The following ARHGAP20 variants were observed in gnomAD, a reference collection of about 807,000 sequenced individuals.
ARHGAP20 encodes rho GTPase-activating protein 20.
A neutral mutation model predicts 73.7 loss-of-function variants in ARHGAP20; 34 were observed. The ratio of observed to expected loss-of-function variants is 0.46; its 90% confidence interval spans 0.35 to 0.61. The LOEUF is 0.61. Among genes scored for constraint, ARHGAP20 ranks in the 20% least tolerant of loss-of-function variants. ARHGAP20 has a pLI of 0.00. For missense variants in ARHGAP20, 1,314 were observed against 1,420.9 expected (o/e 0.92, Z 1.21); for synonymous variants, 523 against 518.2 (o/e 1.01, Z -0.13).
intron 11 of ARHGAP20, chr11:110,589,381 C>G (rs1335557311): frequency 5.1e-6 from 5 of 983,574 alleles, no homozygotes; most frequent in Non-Finnish European, 1.2e-6. Context: ...CCAGAAACAT[C>G]TGATTGTATA....
At chr11:110,652,425 T>G (rs577684984) in intron 2 of ARHGAP20, among the ~76,000 whole-genome samples, 1 of 152,220 alleles carries the variant, frequency 6.6e-6, no homozygotes, top group Admixed American at 6.6e-5. Flanking sequence ...GGTATTCAGA[T>G]AGGAAGAAAG....
intron 1 of ARHGAP20, chr11:110,711,825 TGAGGGAG>T (rs988786961): frequency 7.6e-7 from 1 of 1,312,668 alleles, no homozygotes; most frequent in African/African-American, 1.5e-5. Flanking sequence ...GCGCCTAGAC[TGAGGGAG>T]GAGCCGGGCT....
chr11:110,589,657 G>C (rs1240236988), intron 11 of ARHGAP20: 1 of 985,300 alleles, frequency 1.0e-6, no homozygotes, highest in Non-Finnish European at 1.2e-6. Context: ...AAAATGTAGA[G>C]CATTTCCAAG....
chr11:110,694,448 A>G (rs1950299507), intron 1 of ARHGAP20, among the ~76,000 whole-genome samples: 1 of 146,914 alleles, frequency 6.8e-6, no homozygotes. Context: ...AAACCTATTA[A>G]GCCTAACCAT....
chr11:110,633,787 G>A (rs1274774457), intron 2 of ARHGAP20, among the ~76,000 whole-genome samples: 1 of 152,118 alleles, frequency 6.6e-6, no homozygotes, highest in Non-Finnish European at 1.5e-5. Context: ...AAGAAGAGAT[G>A]ACCTCAGTTT....
At chr11:110,679,272 A>T (rs1949991781) in intron 2 of ARHGAP20, among the ~76,000 whole-genome samples, 1 of 152,186 alleles carries the variant, frequency 6.6e-6, no homozygotes, top group Non-Finnish European at 1.5e-5. Flanking sequence ...TTTGTAACCT[A>T]ATCTCGGAAG....
At chr11:110,622,388 T>C (rs1461537848) in intron 4 of ARHGAP20, among the ~76,000 whole-genome samples, 5 of 152,202 alleles carry the variant, frequency 3.3e-5, no homozygotes, top group Non-Finnish European at 5.9e-5. Flanking sequence ...GTTACAAAGA[T>C]AATATAGAGA....
intron 2 of ARHGAP20, among the ~76,000 whole-genome samples, chr11:110,677,210 A>G (rs1298284014): frequency 1.3e-5 from 2 of 152,224 alleles, no homozygotes; most frequent in African/African-American, 2.4e-5. Context: ...ACAGAATTTG[A>G]CAATAAAGAA....
chr11:110,648,401 G>A (rs1949273757), intron 2 of ARHGAP20, among the ~76,000 whole-genome samples: 1 of 150,390 alleles, frequency 6.6e-6, no homozygotes, highest in Non-Finnish European at 1.5e-5. Context: ...CTTGATAACT[G>A]AGGATTAAAC....
At chr11:110,642,424 T>C (rs1054690328) in intron 2 of ARHGAP20, among the ~76,000 whole-genome samples, 4 of 152,136 alleles carry the variant, frequency 2.6e-5, no homozygotes, top group African/African-American at 7.2e-5. Flanking sequence ...GGCTGTGGGT[T>C]TGTCATAGAC....
chr11:110,605,585 A>G (rs916852689), intron 9 of ARHGAP20, among the ~76,000 whole-genome samples: 1 of 152,240 alleles, frequency 6.6e-6, no homozygotes, highest in African/African-American at 2.4e-5. Context: ...CTACATACAA[A>G]TGTTTCTTAA....
rs755127759 is a variant in ARHGAP20 at position 110,581,002 on chromosome 11, A to G, written c.1944T>C (p.Asp648=). 1.1e-5 allele frequency: 18 copies of G among 1,614,048 alleles called. No individual in the cohort carries two copies. Among genetic ancestry groups the G allele is most frequent in the Middle Eastern group, 1.6e-4 (1 of 6,082 alleles). Residue 648 remains aspartate, a synonymous_variant, in exon 15 of 15, where the codon GAT becomes GAC. Transcript: ENST00000683387. ...DFDLAHSKDE[D]VQMKRPLESK... is the part of the protein sequence containing the mutation. ...ATTCAAGAGGCCGTTTCATTTGAACATCTTCATCTTTAGAATGGGCCAAGT... is the reference window on the plus strand; with the variant it reads ...ATTCAAGAGGCCGTTTCATTTGAACGTCTTCATCTTTAGAATGGGCCAAGT...
intron 3 of ARHGAP20, among the ~76,000 whole-genome samples, chr11:110,624,512 T>C (rs547120121): frequency 2.9e-5 from 4 of 136,642 alleles, no homozygotes; most frequent in African/African-American, 8.3e-5. Context: ...CAGGGCCTAA[T>C]GAGGGGTGGG....
chr11:110,600,404 A>G (rs585758), intron 9 of ARHGAP20, among the ~76,000 whole-genome samples: 1 of 152,060 alleles, frequency 6.6e-6, no homozygotes, highest in African/African-American at 2.4e-5. Context: ...AGCCTCACAG[A>G]CAGCCAGCAC....
chr11:110,647,752 A>G (rs1412384442), intron 2 of ARHGAP20, among the ~76,000 whole-genome samples: 2 of 152,118 alleles, frequency 1.3e-5, no homozygotes, highest in African/African-American at 4.8e-5. Flanking sequence ...GCTATTTGCA[A>G]AGCTCTTAAC....
chr11:110,672,494 C>A (rs533886012), intron 2 of ARHGAP20, among the ~76,000 whole-genome samples: 1 of 151,722 alleles, frequency 6.6e-6, no homozygotes, highest in South Asian at 2.1e-4. Flanking sequence ...TCTTTTCTTT[C>A]GAGATGGAGT....
Position 110,608,954 on chromosome 11 carries a change from ATGCTATCTTAGACTT to A in ARHGAP20, c.775+15_775+29del. On this transcript the variant is annotated intron_variant, in intron 8 of 14. Transcript: ENST00000683387. ...TAGAATTATAATTAAAACACAATCA[ATGCTATCTTAGACTT>A]TTGCAAAAACTTACCAATGAGTGGG... The A allele has an allele frequency of 3.2e-6, 5 of 1,578,018 alleles. No homozygotes were observed. The highest frequency in any genetic ancestry group is 4.3e-6 in the Non-Finnish European group (5 of 1,149,656).
At chr11:110,701,148 C>G (rs905136758) in intron 1 of ARHGAP20, among the ~76,000 whole-genome samples, 1 of 151,722 alleles carries the variant, frequency 6.6e-6, no homozygotes, top group Non-Finnish European at 1.5e-5. Context: ...AGTTCTAGAT[C>G]CCTGAGGAAT....
chr11:110,704,793 T>C (rs956057643), intron 1 of ARHGAP20, among the ~76,000 whole-genome samples: 3 of 152,184 alleles, frequency 2.0e-5, no homozygotes, highest in Non-Finnish European at 4.4e-5. Flanking sequence ...CTAGAATCCC[T>C]GTGATCCTAA....
Sources: gnomAD v4.1 joint callset for allele counts (sites outside exome capture counted in the v4.1 genomes callset) on GRCh38, gnomAD v4.1.1 for gene constraint, MANE v1.5 for transcripts, NCBI Gene and HGNC (gene_info 2026-07-23, HGNC 2026-07-21) for gene names.